The following CIMIP7 variants were observed in gnomAD, a reference collection of about 807,000 sequenced individuals.
CIMIP7 encodes the protein ciliary microtubule inner protein 7.
chr3:49,181,502 T>C, the CIMIP7 span, among the ~76,000 whole-genome samples: 2 of 151,792 alleles, frequency 1.3e-5, no homozygotes, highest in African/African-American at 4.8e-5. Context: ...CTACAAAAAA[T>C]AACAAATTAG....
At chr3:49,191,680 C>A in the CIMIP7 span, 1 of 1,540,820 alleles carries the variant, frequency 6.5e-7, no homozygotes, top group Admixed American at 1.7e-5. Context: ...ACCGGCATGA[C>A]TCAGTCAGAT....
the CIMIP7 span, among the ~76,000 whole-genome samples, chr3:49,180,305 G>A: frequency 6.6e-6 from 1 of 152,068 alleles, no homozygotes; most frequent in South Asian, 2.1e-4. Flanking sequence ...TGGCCCCAGG[G>A]CATTTACTTT....
chr3:49,189,800 T>C, the CIMIP7 span: 1 of 691,338 alleles, frequency 1.4e-6, no homozygotes, highest in Non-Finnish European at 2.8e-6. Context: ...GCCCTTACCC[T>C]TTGTCCATCT....
the CIMIP7 span, among the ~76,000 whole-genome samples, chr3:49,180,696 C>T: frequency 9.3e-5 from 14 of 151,328 alleles, 1 homozygote; most frequent in Admixed American, 4.6e-4. Context: ...TTTGGGAGGC[C>T]GAGGCGGGCG....
chr3:49,185,689 CTT>C, the CIMIP7 span, among the ~76,000 whole-genome samples: 6 of 143,068 alleles, frequency 4.2e-5, no homozygotes, highest in Non-Finnish European at 6.2e-5. Flanking sequence ...AATTTTAAAG[CTT>C]TTTTTTTTTT....
At chr3:49,178,356 G>A in the CIMIP7 span, 3 of 827,478 alleles carry the variant, frequency 3.6e-6, no homozygotes, top group Non-Finnish European at 5.9e-6. Context: ...GGGGAAGACA[G>A]CCACTCCTCT....
At chr3:49,179,835 T>C in the CIMIP7 span, among the ~76,000 whole-genome samples, 38 of 152,334 alleles carry the variant, frequency 2.5e-4, no homozygotes, top group South Asian at 4.1e-4. Context: ...TCAATAAATG[T>C]TGCTGTTAAA....
At chr3:49,178,612 C>T in the CIMIP7 span, 1 of 1,338,856 alleles carries the variant, frequency 7.5e-7, no homozygotes, top group Non-Finnish European at 1.1e-6. Context: ...GGATCACTGC[C>T]TCAGGGTCCT....
the CIMIP7 span, among the ~76,000 whole-genome samples, chr3:49,184,441 C>T: frequency 1.3e-4 from 20 of 152,168 alleles, no homozygotes; most frequent in Admixed American, 4.6e-4. Flanking sequence ...TATGCCTCCG[C>T]CTCCCAAGTA....
the CIMIP7 span, among the ~76,000 whole-genome samples, chr3:49,186,404 ATT>A: frequency 1.6e-4 from 21 of 131,152 alleles, no homozygotes; most frequent in African/African-American, 8.4e-5. Flanking sequence ...CACCTGGCTA[ATT>A]TTTTTTTTTT....
the CIMIP7 span, among the ~76,000 whole-genome samples, chr3:49,185,753 C>T: frequency 8.0e-5 from 12 of 150,630 alleles, no homozygotes; most frequent in Non-Finnish European, 1.5e-4. Context: ...TACAGTGGCT[C>T]GATCTCAGCT....
chr3:49,177,757 G>A, the CIMIP7 span: 14 of 1,609,236 alleles, frequency 8.7e-6, no homozygotes, highest in Middle Eastern at 5.0e-4. Flanking sequence ...GTCAGTGACC[G>A]GCGCCTGGGG....
At chr3:49,181,442 G>C in the CIMIP7 span, among the ~76,000 whole-genome samples, 1 of 151,790 alleles carries the variant, frequency 6.6e-6, no homozygotes, top group Non-Finnish European at 1.5e-5. Flanking sequence ...CTTGAGCCCA[G>C]GAGTTCAAGA....
the CIMIP7 span, among the ~76,000 whole-genome samples, chr3:49,183,570 G>A: frequency 1.3e-5 from 2 of 152,080 alleles, no homozygotes; most frequent in African/African-American, 2.4e-5. Context: ...TAATGAGATT[G>A]CTTGAGCCCG....
At chr3:49,186,261 A>G in the CIMIP7 span, among the ~76,000 whole-genome samples, 111 of 151,764 alleles carry the variant, frequency 7.3e-4, no homozygotes, top group African/African-American at 2.5e-3. Context: ...GGCCTCCCAA[A>G]GTGCTGGGAT....
the CIMIP7 span, among the ~76,000 whole-genome samples, chr3:49,185,310 A>G: frequency 6.6e-6 from 1 of 151,872 alleles, no homozygotes; most frequent in Non-Finnish European, 1.5e-5. Context: ...CACACCTGTA[A>G]TCCTGACACT....
At chr3:49,178,531 G>T in the CIMIP7 span, 2 of 1,613,348 alleles carry the variant, frequency 1.2e-6, no homozygotes, top group Non-Finnish European at 1.7e-6. Context: ...GTGTCGCTGC[G>T]CCGGCTCCTT....
the CIMIP7 span, chr3:49,177,770 CT>C: frequency 6.2e-7 from 1 of 1,610,550 alleles, no homozygotes; most frequent in East Asian, 2.2e-5. Flanking sequence ...GCCTGGGGCC[CT>C]ACCTTGTAGC....
At chr3:49,181,585 G>C in the CIMIP7 span, among the ~76,000 whole-genome samples, 1 of 152,176 alleles carries the variant, frequency 6.6e-6, no homozygotes, top group Non-Finnish European at 1.5e-5. Context: ...ATGAGCTTAA[G>C]AGGTCAAGGG....
Sources: allele counts gnomAD v4.1 joint callset (sites outside exome capture counted in the v4.1 genomes callset), GRCh38; gene constraint gnomAD v4.1.1; transcripts MANE v1.5; gene names NCBI Gene and HGNC (gene_info 2026-07-23, HGNC 2026-07-21).